NOP14: variants seen among roughly 807,000 people sequenced by gnomAD.
The protein encoded by NOP14 is nucleolar protein 14.
Under a neutral mutation model 101.6 loss-of-function variants are expected in NOP14, and 57 were observed. The ratio of observed to expected loss-of-function variants is 0.56; its 90% CI spans 0.45 to 0.70. The LOEUF is 0.70. Among genes scored for constraint, NOP14 ranks in the 30% least tolerant of loss-of-function variants. The pLI is 0.00. For missense variants in NOP14, 1,134 were observed against 1,075.5 expected (o/e 1.05, Z -0.76); for synonymous variants, 428 against 424.0 (o/e 1.01, Z -0.12).
In NOP14 at chr4:2,942,393, A is replaced by G. The variant is rs778624297; in HGVS notation, c.1892-42T>C. The G allele has an allele frequency of 2.5e-6, 4 of 1,587,952 alleles. No individual in the cohort carries two copies. The South Asian group carries it at 4.5e-5, about 18-fold the overall frequency. On this transcript the variant is annotated intron_variant, in intron 13 of 17. Transcript: ENST00000416614. ...ACAGGACAGAGATGGCCTGAACATT[A>G]CTGGGCTCCCAGCAGGCTCTGCGGC... is the stretch of plus-strand genomic sequence containing the variant.
In NOP14 at chr4:2,954,388, C is replaced by T. The variant is rs542231515; in HGVS notation, c.612+36G>A. On this transcript the variant is annotated intron_variant, in intron 4 of 17. Transcript: ENST00000416614. ...ACACATTTTGGTGAGCCTGTCTTAC[C>T]GTGGAGAAGATGATCAAGAACACTC... is the stretch of plus-strand genomic sequence containing the variant. 1.0e-4 allele frequency: 166 copies of T among 1,606,066 alleles called. 3 individuals carry two copies. In the South Asian group the frequency reaches 1.5e-3, roughly 15 times the overall value.
At position 2,938,797 on chromosome 4, in the gene NOP14, T is replaced by A; in HGVS notation, c.*34A>T. ...GGTTGGAATTGCAGATGTGAGGTAA[T>A]GTCCAGTTCCTTGCCTTATTTATAA... On this transcript the variant is annotated 3_prime_UTR_variant, in exon 18 of 18. Coordinates refer to ENST00000416614, the MANE Select transcript of NOP14 (RefSeq NM_001291978.2). 6.5e-7 allele frequency: 1 copy of A among 1,548,270 alleles called. No homozygotes were observed. Among genetic ancestry groups the A allele is most frequent in the Non-Finnish European group, 8.9e-7 (1 of 1,122,698 alleles).
Position 2,946,303 on chromosome 4 carries a change from C to T in NOP14, c.1635+109G>A, listed in dbSNP as rs977230622. The T allele has an allele frequency of 1.3e-5, 18 of 1,336,784 alleles. No homozygotes were observed. In the Admixed American group the frequency reaches 2.2e-4, roughly 17 times the overall value. 82.8% of individuals were successfully genotyped at this position (1,336,784 alleles called of 1,614,324 possible). On this transcript the variant is annotated intron_variant, in intron 11 of 17. Transcript: ENST00000416614. ...CTGCCGTGCAGCTCACTCCACATCA[C>T]CCTGGAAGCACAGGGTACAGCCAAG... is the stretch of plus-strand genomic sequence containing the variant.
At position 2,949,980 on chromosome 4, in the gene NOP14, T is replaced by C; in HGVS notation, c.1236A>G (p.Glu412=). The C allele has an allele frequency of 6.2e-7, 1 of 1,614,182 alleles. No homozygotes were observed. ...CGTCTCTGGTAGCTTTTCCAGCTCT[T>C]TCCTTGCCGCTTATCAACCCTTTCC... ...TPGKGLISGK[E]RAGKATRDEL... is the part of the protein sequence containing the mutation. Residue 412 remains glutamate, a synonymous_variant, in exon 8 of 18, where the codon GAA becomes GAG. Transcript: ENST00000416614.
At chr4:2,943,929 C>G (rs1422382973) in intron 13 of NOP14, 144 bp downstream of exon 13, 2 of 669,108 alleles carry the variant, frequency 3.0e-6, no homozygotes, top group Non-Finnish European at 5.1e-6. Context: ...CACGCTCACA[C>G]AGAGGGACAG....
intron 1 of NOP14, among the ~76,000 whole-genome samples, chr4:2,958,048 A>T (rs1715471199): frequency 6.6e-6 from 1 of 152,212 alleles, no homozygotes; most frequent in South Asian, 2.1e-4. Context: ...CGGCTGTAAC[A>T]GCTGCCTTAA....
chr4:2,941,443 TCC>T (rs1409284573), intron 15 of NOP14, 137 bp downstream of exon 15: 1 of 746,260 alleles, frequency 1.3e-6, no homozygotes, highest in Non-Finnish European at 2.2e-6. Context: ...TGATTTTACT[TCC>T]CTTCATATTT....
rs1167337614 is a variant in NOP14, at chr4:2,963,388, C to G, written c.-69G>C. The G allele has an allele frequency of 1.4e-6, 2 of 1,415,352 alleles. No homozygotes were observed. The highest frequency in any genetic ancestry group is 1.8e-6 in the Non-Finnish European group (2 of 1,083,238). 87.7% of individuals were successfully genotyped at this position (1,415,352 alleles called of 1,614,324 possible). On this transcript the variant is annotated 5_prime_UTR_variant, in exon 1 of 18. Transcript: ENST00000416614. ...GACAGGCGCGCGCTACCCTAAGACA[C>G]GTGCCGGGCCGCGGAACCGCTTCCT...
chr4:2,951,812 T>G (rs1037118834), intron 6 of NOP14, among the ~76,000 whole-genome samples: 27 of 151,924 alleles, frequency 1.8e-4, no homozygotes, highest in African/African-American at 6.5e-4. Flanking sequence ...AAACAATTTT[T>G]GAAAATTAGC....
At chr4:2,939,972 C>T (rs935150823) in intron 15 of NOP14, among the ~76,000 whole-genome samples, 1 of 152,218 alleles carries the variant, frequency 6.6e-6, no homozygotes, top group Non-Finnish European at 1.5e-5. Flanking sequence ...CAGCCAGAAA[C>T]GTCAACAGAA....
intron 15 of NOP14, 105 bp downstream of exon 15, chr4:2,941,477 T>C (rs1368289782): frequency 1.2e-5 from 13 of 1,055,538 alleles, no homozygotes; most frequent in Non-Finnish European, 1.8e-5. Flanking sequence ...AAGATGGTGT[T>C]GACTTACAGC....
chr4:2,951,056 A>G, intron 7 of NOP14, 58 bp downstream of exon 7: 1 of 1,497,816 alleles, frequency 6.7e-7, no homozygotes, highest in Non-Finnish European at 9.1e-7. Flanking sequence ...GAATACCAAA[A>G]AAATGTTTTT....
rs545458314 is a variant in NOP14, at chr4:2,959,393, C to T, written c.196-1653G>A. 8.6e-3 allele frequency among the ~76,000 whole-genome samples: 1,313 copies of T among 152,122 alleles called. 12 individuals carry two copies. The highest frequency in any genetic ancestry group is 0.012 in the Non-Finnish European group (821 of 68,002). On this transcript the variant is annotated intron_variant, in intron 1 of 17. Transcript: ENST00000416614. ...GGATCACGAGGTTAGAAGATCAAGACCATCCTGGGTAACATGGTGAAACCC... is the reference window on the plus strand; with the variant it reads ...GGATCACGAGGTTAGAAGATCAAGATCATCCTGGGTAACATGGTGAAACCC...
chr4:2,963,098 C>T (rs765961777), intron 1 of NOP14, 27 bp downstream of exon 1: 26 of 1,513,400 alleles, frequency 1.7e-5, no homozygotes, highest in Middle Eastern at 3.5e-4. Flanking sequence ...ATCCTGCCTT[C>T]CGGCTCCCCG....
intron 14 of NOP14, 96 bp from the exon 15 acceptor site, chr4:2,941,825 G>C: frequency 7.2e-7 from 1 of 1,391,130 alleles, no homozygotes; most frequent in South Asian, 1.4e-5. Flanking sequence ...ACTTCCACTA[G>C]GCTGAAAACT....
In NOP14 at chr4:2,937,945, T is replaced by C. The variant is rs1423830126; in HGVS notation, c.*886A>G. The C allele has an allele frequency of 4.7e-6, 1 of 214,142 alleles. No individual in the cohort carries two copies. The highest frequency in any genetic ancestry group is 2.4e-5 in the African/African-American group (1 of 41,950). The allele number at this position is 214,142 out of a possible 1,614,324, so 13.3% of individuals were successfully genotyped here. On this transcript the variant is annotated 3_prime_UTR_variant, in exon 18 of 18. Coordinates refer to ENST00000416614, the MANE Select transcript of NOP14 (RefSeq NM_001291978.2). ...AATATCTGCAAACTTGTTTCATTTA[T>C]AATTGAAAATATAATTTGCATAACA... is the stretch of plus-strand genomic sequence containing the variant.
At position 2,963,308 on chromosome 4, in the gene NOP14, C is replaced by T; in HGVS notation, c.12G>A (p.Ala4=). 1 of 1,585,062 alleles carries T rather than the reference C, an allele frequency of 6.3e-7. No individual in the cohort carries two copies. Among genetic ancestry groups the T allele is most frequent in the Non-Finnish European group, 8.6e-7 (1 of 1,169,520 alleles). Residue 4 remains alanine, a synonymous_variant, in exon 1 of 18, where the codon GCG becomes GCA. Transcript: ENST00000416614. ...CCTTCCTTCGCGCCCCGACCTTCTT[C>T]GCCTTCGCCATGGCGCGCGCCCCGC... The part of the protein sequence containing the change: MAK[A]KKVGARRKAS...
chr4:2,951,873 C>T (rs543470062), intron 6 of NOP14, among the ~76,000 whole-genome samples: 3 of 152,220 alleles, frequency 2.0e-5, no homozygotes, highest in East Asian at 1.9e-4. Flanking sequence ...TTTGGGAGGC[C>T]GAGGTGACTG....
intron 15 of NOP14, chr4:2,941,136 A>G (rs1178339611): frequency 6.1e-6 from 1 of 162,756 alleles, no homozygotes; most frequent in Non-Finnish European, 1.3e-5. Context: ...AGCAGCCTGT[A>G]GAGGACAGGA....
Sources: allele counts gnomAD v4.1 joint callset (sites outside exome capture counted in the v4.1 genomes callset), GRCh38; gene constraint gnomAD v4.1.1; transcripts MANE v1.5; gene names NCBI Gene and HGNC (gene_info 2026-07-23, HGNC 2026-07-21).